Variants in ZNF578 observed in about 807,000 individuals in gnomAD.
The protein encoded by ZNF578 is Putative chemokine-related protein B42.
A neutral mutation model predicts 8.3 loss-of-function variants in ZNF578; 8 were observed. The ratio of observed to expected loss-of-function variants is 0.96; its 90% CI spans 0.56 to 1.74. The LOEUF is 1.74. Ranked by LOEUF, ZNF578 falls within the 40% of genes most tolerant of loss-of-function variation. ZNF578 has a pLI of 0.00. For missense variants in ZNF578, 726 were observed against 707.5 expected, an observed-to-expected ratio of 1.03 and a Z score of -0.30; for synonymous variants, 206 against 232.2, an observed-to-expected ratio of 0.89 and a Z score of 1.03.
chr19:52,510,535 A>G, intron 5 of ZNF578, 37 bp from the exon 6 acceptor site: 1 of 1,494,210 alleles, frequency 6.7e-7, no homozygotes, highest in East Asian at 2.3e-5. Context: ...TACCATCTGC[A>G]CTTAATTGCA....
intron 2 of ZNF578, among the ~76,000 whole-genome samples, chr19:52,470,920 G>T (rs2059289788): frequency 6.6e-6 from 1 of 152,126 alleles, no homozygotes; most frequent in African/African-American, 2.4e-5. Flanking sequence ...GAGGTGATTT[G>T]ATCATGGAGG....
chr19:52,482,423 G>T (rs773021690), intron 2 of ZNF578, among the ~76,000 whole-genome samples: 1 of 152,108 alleles, frequency 6.6e-6, no homozygotes, highest in Non-Finnish European at 1.5e-5. Flanking sequence ...GGATCACGAG[G>T]TCAGGGGTTC....
intron 3 of ZNF578, among the ~76,000 whole-genome samples, chr19:52,495,873 G>A (rs1809244): frequency 2.0e-5 from 3 of 151,970 alleles, no homozygotes; most frequent in Non-Finnish European, 4.4e-5. Flanking sequence ...GGCTGGGGTC[G>A]GGAGTGGGGG....
At chr19:52,501,734 G>A (rs148634647) in intron 3 of ZNF578, 93 bp from the exon 4 acceptor site, 2 of 1,349,670 alleles carry the variant, frequency 1.5e-6, no homozygotes, top group African/African-American at 2.9e-5. Context: ...GGGCTTCTTT[G>A]TACAGGGTGA....
chr19:52,505,286 G>C (rs111471850), intron 5 of ZNF578, among the ~76,000 whole-genome samples: 5 of 152,198 alleles, frequency 3.3e-5, no homozygotes, highest in African/African-American at 1.2e-4. Flanking sequence ...GCAGCAGTCA[G>C]TGGTGTTGAA....
At chr19:52,472,472 C>A (rs2122802767) in intron 2 of ZNF578, among the ~76,000 whole-genome samples, 1 of 152,276 alleles carries the variant, frequency 6.6e-6, no homozygotes, top group Admixed American at 6.5e-5. Flanking sequence ...TTCTCTCTTC[C>A]ATTTCAAAAA....
chr19:52,471,201 C>T (rs1390646636), intron 2 of ZNF578, among the ~76,000 whole-genome samples: 1 of 152,148 alleles, frequency 6.6e-6, no homozygotes, highest in Non-Finnish European at 1.5e-5. Flanking sequence ...TTATAAATTA[C>T]CCAGTGTTAG....
intron 2 of ZNF578, among the ~76,000 whole-genome samples, chr19:52,483,665 T>G (rs899740821): frequency 6.6e-6 from 1 of 152,238 alleles, no homozygotes; most frequent in African/African-American, 2.4e-5. Flanking sequence ...ATTTTCCCAG[T>G]ACACATTCTA....
At chr19:52,480,946 A>G (rs1372891595) in intron 2 of ZNF578, among the ~76,000 whole-genome samples, 1 of 147,526 alleles carries the variant, frequency 6.8e-6, no homozygotes, top group African/African-American at 2.5e-5. Flanking sequence ...AATAATAATA[A>G]TTTGGCACCA....
chr19:52,486,742 A>G (rs2059347231), intron 2 of ZNF578, among the ~76,000 whole-genome samples: 1 of 137,394 alleles, frequency 7.3e-6, no homozygotes, highest in African/African-American at 2.7e-5. Flanking sequence ...GGAAGAGAGA[A>G]TTTAACAGGG....
rs1314819071 is a variant in ZNF578, at chr19:52,515,500, G to A, written c.*3346G>A. Among the ~76,000 whole-genome samples, 5 of 152,098 alleles carry A rather than the reference G, an allele frequency of 3.3e-5. No homozygotes were observed. The highest frequency in any genetic ancestry group is 4.8e-5 in the African/African-American group (2 of 41,414). On this transcript the variant is annotated 3_prime_UTR_variant, in exon 6 of 6. Transcript: ENST00000421239. ...GTTTCTCTAATTTTCAAGGATGGGGGTGATAAGAGCAACCTTTGCCATTAG... is the reference window on the plus strand; with the variant it reads ...GTTTCTCTAATTTTCAAGGATGGGGATGATAAGAGCAACCTTTGCCATTAG...
In ZNF578 at chr19:52,511,743, T is replaced by G. The variant is rs76158839; in HGVS notation, c.1362T>G (p.Ser454=). The G allele has an allele frequency of 2.0e-3, 3,253 of 1,613,776 alleles. 95 individuals carry two copies. In the East Asian group the frequency reaches 0.067, roughly 33 times the overall value. ...RHHRLHTGEK[S]YKCEECDRVF... ...ATAGACTTCATACTGGAGAGAAATC[T>G]TACAAATGTGAAGAATGTGACAGAG... The change falls in exon 6 of 6, where the codon TCT becomes TCG. Residue 454 remains serine (S), a synonymous_variant. Transcript: ENST00000421239.
At chr19:52,459,612 T>TACACACACACACACACAC (rs71180468) in intron 2 of ZNF578, among the ~76,000 whole-genome samples, 1 of 118,780 alleles carries the variant, frequency 8.4e-6, no homozygotes, top group African/African-American at 3.3e-5. Flanking sequence ...AATGTGTATG[T>TACACACACACACACACAC]ACACACACAC....
chr19:52,494,366 G>A (rs1485965817), intron 3 of ZNF578, among the ~76,000 whole-genome samples: 1 of 152,132 alleles, frequency 6.6e-6, no homozygotes, highest in Non-Finnish European at 1.5e-5. Context: ...GCATGATAGT[G>A]TAGACCTGTA....
At chr19:52,453,775 C>G (rs1030284890) in intron 1 of ZNF578, 168 bp downstream of exon 1, 1 of 152,204 alleles carries the variant, frequency 6.6e-6, no homozygotes, top group Admixed American at 6.6e-5. Flanking sequence ...GGCTGCTGGT[C>G]CTTTCCCTGA....
chr19:52,488,469 C>T (rs1311602717), intron 2 of ZNF578, among the ~76,000 whole-genome samples: 1 of 151,874 alleles, frequency 6.6e-6, no homozygotes. Flanking sequence ...ATTAGCCGGG[C>T]GTGGTGGCGG....
chr19:52,514,301 G>GAA lies in ZNF578; in HGVS notation c.*2148_*2149insAA, dbSNP rs777039591. ...TTTTCCGGTTGACCCCAAAATTCGTGAGATTTTTTTCCTACAACAATTTCA... is the reference window on the plus strand; with the variant it reads ...TTTTCCGGTTGACCCCAAAATTCGTGAAAGATTTTTTTCCTACAACAATTTCA... On this transcript the variant is annotated 3_prime_UTR_variant, in exon 6 of 6. Coordinates refer to ENST00000421239, the MANE Select transcript of ZNF578 (RefSeq NM_001099694.2). Among the ~76,000 whole-genome samples the GAA allele has an allele frequency of 1.3e-3, 196 of 152,258 alleles. No homozygotes were observed. Among genetic ancestry groups the GAA allele is most frequent in the Non-Finnish European group, 1.8e-3 (122 of 68,024 alleles).
intron 2 of ZNF578, among the ~76,000 whole-genome samples, chr19:52,465,066 G>GA (rs1300844602): frequency 6.6e-6 from 1 of 152,162 alleles, no homozygotes; most frequent in Non-Finnish European, 1.5e-5. Flanking sequence ...GAATTCCAAG[G>GA]AAAGTGGGTG....
At chr19:52,504,351 G>A (rs1480064297) in intron 4 of ZNF578, among the ~76,000 whole-genome samples, 3 of 151,956 alleles carry the variant, frequency 2.0e-5, no homozygotes, top group Admixed American at 6.6e-5. Context: ...TTGGCCTCCC[G>A]AAGCATTGGT....
Sources: allele counts gnomAD v4.1 joint callset (sites outside exome capture counted in the v4.1 genomes callset), GRCh38; gene constraint gnomAD v4.1.1; transcripts MANE v1.5; gene names NCBI Gene and HGNC (gene_info 2026-07-23, HGNC 2026-07-21).